The following INPP4B variants were observed in gnomAD, a reference collection of about 807,000 sequenced individuals.
The protein encoded by INPP4B is inositol polyphosphate-4-phosphatase type II B, also known as inositol polyphosphate 4-phosphatase type II.
In INPP4B, 55 loss-of-function variants were observed where a neutral mutation model predicts 122.5. The ratio of observed to expected loss-of-function variants is 0.45; its 90% CI spans 0.36 to 0.56. The LOEUF (loss-of-function observed/expected upper bound fraction) is 0.56. Among genes scored for constraint, INPP4B ranks in the 20% least tolerant of loss-of-function variants. INPP4B has a pLI of 0.00. For missense variants in INPP4B, 1,000 were observed against 1,097.7 expected (o/e 0.91, Z 1.26); for synonymous variants, 403 against 388.7 (o/e 1.04, Z -0.43).
intron 7 of INPP4B, among the ~76,000 whole-genome samples, chr4:142,326,154 A>G (rs1166625530): frequency 6.6e-6 from 1 of 152,220 alleles, no homozygotes; most frequent in African/African-American, 2.4e-5. Flanking sequence ...AGGCTGGGAC[A>G]CTAGCATTGT....
chr4:142,524,503 T>C (rs2149946158), intron 2 of INPP4B, among the ~76,000 whole-genome samples: 1 of 152,236 alleles, frequency 6.6e-6, no homozygotes, highest in South Asian at 2.1e-4. Flanking sequence ...TTGATGGGGT[T>C]GTTTGTTTTT....
At chr4:142,815,992 T>C (rs751516182) in intron 1 of INPP4B, among the ~76,000 whole-genome samples, 1 of 152,188 alleles carries the variant, frequency 6.6e-6, no homozygotes, top group Non-Finnish European at 1.5e-5. Context: ...AGGTCTGTTT[T>C]CTATTGTGAA....
intron 1 of INPP4B, among the ~76,000 whole-genome samples, chr4:142,782,490 A>T (rs1775018504): frequency 6.6e-6 from 1 of 151,922 alleles, no homozygotes; most frequent in Non-Finnish European, 1.5e-5. Flanking sequence ...TCCTTTGGGT[A>T]TATACCCAGT....
intron 2 of INPP4B, among the ~76,000 whole-genome samples, chr4:142,523,792 T>G (rs1197557725): frequency 1.4e-5 from 2 of 141,308 alleles, no homozygotes; most frequent in Non-Finnish European, 3.1e-5. Flanking sequence ...TATCTCCCAA[T>G]GCTATCCCTC....
intron 2 of INPP4B, among the ~76,000 whole-genome samples, chr4:142,480,126 T>C (rs902222062): frequency 2.0e-5 from 3 of 152,188 alleles, no homozygotes; most frequent in Non-Finnish European, 4.4e-5. Context: ...TATAGAAAGA[T>C]TGCAAAGACA....
chr4:142,462,720 C>A lies in INPP4B; in HGVS notation c.-184G>T, dbSNP rs1465278811. 2.6e-5 allele frequency: 4 copies of A among 152,098 alleles called. No individual in the cohort carries two copies. Among genetic ancestry groups the A allele is most frequent in the African/African-American group, 7.2e-5 (3 of 41,406 alleles). 9.4% of individuals were successfully genotyped at this position (152,098 alleles called of 1,614,324 possible). The stretch of plus-strand genomic sequence containing the variant: ...TCTTTGATTATTGTTTCGCTGGTTT[C>A]AAGGCTCTGCAAAAAACAAAATGGA... On this transcript the variant is annotated 5_prime_UTR_variant, in exon 3 of 26. An upstream open reading frame in the 5' UTR loses its in-frame stop. Coordinates refer to ENST00000262992, the MANE Select transcript of INPP4B (RefSeq NM_001101669.3).
intron 1 of INPP4B, among the ~76,000 whole-genome samples, chr4:142,827,616 A>G (rs1478354607): frequency 6.6e-6 from 1 of 152,166 alleles, no homozygotes; most frequent in African/African-American, 2.4e-5. Flanking sequence ...GTAGAGACAA[A>G]CTTAGAGTCA....
At chr4:142,086,446 C>T (rs1776814035) in intron 23 of INPP4B, among the ~76,000 whole-genome samples, 190 bp from the exon 24 acceptor site, 1 of 152,146 alleles carries the variant, frequency 6.6e-6, no homozygotes, top group Non-Finnish European at 1.5e-5. Flanking sequence ...CTCAATTTCC[C>T]AGACTCAAGT....
At chr4:142,353,533 A>C (rs1445901368) in intron 7 of INPP4B, among the ~76,000 whole-genome samples, 1 of 152,036 alleles carries the variant, frequency 6.6e-6, no homozygotes, top group East Asian at 1.9e-4. Flanking sequence ...GGTGGCAATC[A>C]GACTAAATCT....
chr4:142,826,550 CCATT>C (rs1781489785), intron 1 of INPP4B, among the ~76,000 whole-genome samples: 1 of 151,738 alleles, frequency 6.6e-6, no homozygotes, highest in Non-Finnish European at 1.5e-5. Context: ...CAAAACTTTC[CCATT>C]CAAATCTCTT....
intron 9 of INPP4B, among the ~76,000 whole-genome samples, chr4:142,298,797 C>T (rs1014684954): frequency 1.3e-5 from 2 of 152,072 alleles, no homozygotes; most frequent in East Asian, 1.9e-4. Flanking sequence ...CAATAATCTC[C>T]ATTCCTTCTC....
At chr4:142,382,185 A>G (rs1794353717) in intron 7 of INPP4B, among the ~76,000 whole-genome samples, 1 of 152,138 alleles carries the variant, frequency 6.6e-6, no homozygotes, top group Admixed American at 6.6e-5. Flanking sequence ...CCCATCTGTA[A>G]AGATCTTATT....
At chr4:142,748,075 GA>G (rs1769065672) in intron 1 of INPP4B, among the ~76,000 whole-genome samples, 1 of 151,900 alleles carries the variant, frequency 6.6e-6, no homozygotes, top group Non-Finnish European at 1.5e-5. Flanking sequence ...TTCCTAAACT[GA>G]AATTAACTTA....
intron 9 of INPP4B, among the ~76,000 whole-genome samples, chr4:142,291,515 A>G (rs565894708): frequency 1.3e-5 from 2 of 152,316 alleles, no homozygotes; most frequent in South Asian, 4.1e-4. Context: ...TTGACTCAAA[A>G]TTAGAAGAGG....
In INPP4B at chr4:142,260,643, A is replaced by G. The variant is rs1410413611; in HGVS notation, c.616-79T>C. On this transcript the variant is annotated intron_variant, in intron 10 of 25. Coordinates refer to ENST00000262992, the MANE Select transcript of INPP4B (RefSeq NM_001101669.3). ...AATGATATTATTTTATTTGCAAAAC[A>G]TAAGGCTATGTACATGGTTTCAAAA... 9 of 956,772 alleles carry G rather than the reference A, an allele frequency of 9.4e-6. No homozygotes were observed. The Admixed American group carries it at 2.0e-4, about 21-fold the overall frequency. 59.3% of individuals were successfully genotyped at this position (956,772 alleles called of 1,614,324 possible).
intron 23 of INPP4B, among the ~76,000 whole-genome samples, chr4:142,101,299 C>T (rs951336016): frequency 6.6e-6 from 1 of 152,038 alleles, no homozygotes; most frequent in Non-Finnish European, 1.5e-5. Flanking sequence ...GTTTATGGAG[C>T]ATTGCCCATT....
chr4:142,762,247 G>A (rs1262196438), intron 1 of INPP4B, among the ~76,000 whole-genome samples: 1 of 152,012 alleles, frequency 6.6e-6, no homozygotes, highest in Non-Finnish European at 1.5e-5. Context: ...TGGAAACACT[G>A]GTTAATACTA....
chr4:142,611,545 G>A (rs775077853), intron 2 of INPP4B, among the ~76,000 whole-genome samples: 5 of 143,548 alleles, frequency 3.5e-5, no homozygotes, highest in South Asian at 2.2e-4. Context: ...TTATTTTTTC[G>A]TTTGTAAAAA....
chr4:142,571,131 G>A (rs1378139873), intron 2 of INPP4B, among the ~76,000 whole-genome samples: 1 of 150,214 alleles, frequency 6.7e-6, no homozygotes, highest in South Asian at 2.1e-4. Context: ...GGGGCAGAAG[G>A]TGAAGAGGAA....
Sources: allele counts gnomAD v4.1 joint callset (sites outside exome capture counted in the v4.1 genomes callset), GRCh38; gene constraint gnomAD v4.1.1; transcripts MANE v1.5; gene names NCBI Gene and HGNC (gene_info 2026-07-23, HGNC 2026-07-21).